The following TPP1 variants were observed in gnomAD, a reference collection of about 807,000 sequenced individuals.
TPP1 encodes the protein tripeptidyl peptidase 1.
A neutral mutation model predicts 67.6 loss-of-function variants in TPP1; 43 were observed. The ratio of observed to expected loss-of-function variants is 0.64; its 90% CI spans 0.50 to 0.82. The LOEUF (loss-of-function observed/expected upper bound fraction) is 0.82. Among genes scored for constraint, TPP1 ranks in the 40% least tolerant of loss-of-function variants. The pLI, the probability that TPP1 is intolerant of heterozygous loss-of-function variation, is 0.00. For missense variants in TPP1, 671 were observed against 710.9 expected (o/e 0.94, Z 0.64); for synonymous variants, 272 against 281.5 (o/e 0.97, Z 0.34).
chr11:6,618,806 C>G lies in TPP1; in HGVS notation c.199G>C (p.Ala67Pro), dbSNP rs762309607. Residue 67 changes from alanine (A) to proline (P), a missense_variant, in exon 3 of 13, where the codon GCT becomes CCT. Physicochemically the swap from Ala to Pro is conservative, Grantham distance 27. Transcript: ENST00000299427. ...NVERLSELVQ[A>P]VSDPSSPQYG... ...TGAGGAGAGCTGGGATCCGACACAGCCTGCACCAGCTCCGAGAGTCTTTCC... is the reference window on the plus strand; with the variant it reads ...TGAGGAGAGCTGGGATCCGACACAGGCTGCACCAGCTCCGAGAGTCTTTCC... 2 of 1,614,010 alleles carry G rather than the reference C, an allele frequency of 1.2e-6. No individual in the cohort carries two copies. Among genetic ancestry groups the G allele is most frequent in the Non-Finnish European group, 1.7e-6 (2 of 1,180,040 alleles).
Position 6,615,258 on chromosome 11 carries a change from G to A in TPP1, c.1338C>T (p.Gly446=). ...GTGCAGCCACATCTGGGTAGGCACG[G>A]CCACTGGCATTGAAGTAACTGGATG... ...LPPSSYFNAS[G]RAYPDVAALS... Residue 446 remains glycine, a synonymous_variant, in exon 11 of 13, where the codon GGC becomes GGT. Coordinates refer to ENST00000299427, the MANE Select transcript of TPP1 (RefSeq NM_000391.4). 1.2e-6 allele frequency: 2 copies of A among 1,614,170 alleles called. No homozygotes were observed. The highest frequency in any genetic ancestry group is 1.7e-6 in the Non-Finnish European group (2 of 1,180,032).
chr11:6,616,814 G>C lies in TPP1; in HGVS notation c.733C>G (p.Arg245Gly), dbSNP rs587780481. ...FHDSDLAQFM[R>G]LFGGNFAHQA... The stretch of plus-strand genomic sequence containing the variant: ...TGTGCAAAGTTGCCACCGAAGAGGC[G>C]CATGAACTGAGCCAGGTCTGAGTCA... Residue 245 changes from arginine (R) to glycine (G), a missense_variant, in exon 7 of 13, where the codon CGC becomes GGC. Arg to Gly is a moderately radical substitution (Grantham distance 125). Coordinates refer to ENST00000299427, the MANE Select transcript of TPP1 (RefSeq NM_000391.4). The C allele has an allele frequency of 6.2e-7, 1 of 1,613,612 alleles. No homozygotes were observed. Among genetic ancestry groups the C allele is most frequent in the Non-Finnish European group, 8.5e-7 (1 of 1,180,026 alleles).
In TPP1 at chr11:6,617,782, G is replaced by T. The variant is rs144359514; in HGVS notation, c.230-6C>A. 5 of 1,614,182 alleles carry T rather than the reference G, an allele frequency of 3.1e-6. No individual in the cohort carries two copies. The highest frequency in any genetic ancestry group is 4.2e-6 in the Non-Finnish European group (5 of 1,180,036). On this transcript the variant is annotated splice_polypyrimidine_tract_variant and splice_region_variant and intron_variant, in intron 3 of 12. Coordinates refer to ENST00000299427, the MANE Select transcript of TPP1 (RefSeq NM_000391.4). ...CTCTAGGGTCAGGTATTTTCCTGCA[G>T]GGATTCAGAAGAGGCACTTGCCCTC...
In TPP1 at chr11:6,615,283, G is replaced by A; in HGVS notation, c.1313C>T (p.Pro438Leu). The change falls in exon 11 of 13, where the codon CCA becomes CTA. Residue 438 changes from proline to leucine, a missense_variant. Transcript: ENST00000299427. ...KFLSSSPHLP[P>L]SSYFNASGRA... ...GCCACTGGCATTGAAGTAACTGGATGGTGGCAGGTGGGGGCTAGAGCTCAG... is the reference window on the plus strand; with the variant it reads ...GCCACTGGCATTGAAGTAACTGGATAGTGGCAGGTGGGGGCTAGAGCTCAG... 1 of 1,614,170 alleles carries A rather than the reference G, an allele frequency of 6.2e-7. No individual in the cohort carries two copies.
At position 6,614,695 on chromosome 11, in the gene TPP1, G is replaced by A. The variant is rs369699167; in HGVS notation, c.1552-9C>T. The A allele has an allele frequency of 2.6e-5, 42 of 1,614,120 alleles. No individual in the cohort carries two copies. In the East Asian group the frequency reaches 5.1e-4, roughly 20 times the overall value. On this transcript the variant is annotated splice_polypyrimidine_tract_variant and intron_variant, in intron 12 of 12. Transcript: ENST00000299427. ...TGGCAGCCACGGGTTACCTAGGGAGGAGGCTGGCATCAGATCTGGGCCTAC... is the reference window on the plus strand; with the variant it reads ...TGGCAGCCACGGGTTACCTAGGGAGAAGGCTGGCATCAGATCTGGGCCTAC...
chr11:6,617,907 T>C (rs1275173594), intron 3 of TPP1, 131 bp from the exon 4 acceptor site: 3 of 1,255,134 alleles, frequency 2.4e-6, no homozygotes, highest in East Asian at 2.4e-5. Context: ...TGTGTGCAGG[T>C]GTAGGGTGTA....
At position 6,615,469 on chromosome 11, in the gene TPP1, G is replaced by A; in HGVS notation, c.1239C>T (p.Ser413=). The change falls in exon 10 of 13, where the codon AGC becomes AGT. Residue 413 remains serine (S), a synonymous_variant. Transcript: ENST00000299427. ...IVDYISGGGF[S]NVFPRPSYQE... ...GGTATGAAGGCCGTGGGAACACATTGCTGAAGCCACCACCACTGATATAGT... is the reference window on the plus strand; with the variant it reads ...GGTATGAAGGCCGTGGGAACACATTACTGAAGCCACCACCACTGATATAGT... The A allele has an allele frequency of 6.2e-7, 1 of 1,614,202 alleles. No individual in the cohort carries two copies. The highest frequency in any genetic ancestry group is 8.5e-7 in the Non-Finnish European group (1 of 1,180,040).
At chr11:6,617,803 C>T (rs764654465) in intron 3 of TPP1, 27 bp from the exon 4 acceptor site, 2 of 1,614,016 alleles carry the variant, frequency 1.2e-6, no homozygotes, top group South Asian at 2.2e-5. Flanking sequence ...GAGGCACTTG[C>T]CCTCATTCAT....
rs1465284719 is a variant in TPP1, at chr11:6,616,974, C to T, written c.687+1G>A. The T allele has an allele frequency of 1.2e-6, 2 of 1,614,146 alleles. No homozygotes were observed. Among genetic ancestry groups the T allele is most frequent in the Non-Finnish European group, 1.7e-6 (2 of 1,180,000 alleles). On this transcript the variant is annotated splice_donor_variant, in intron 6 of 12. Coordinates refer to ENST00000299427, the MANE Select transcript of TPP1 (RefSeq NM_000391.4). LOFTEE classifies it high-confidence loss of function. The stretch of plus-strand genomic sequence containing the variant: ...ACCCTGGGGCTCTTTGCTTGGCTCA[C>T]CTGGGCACAGGCTTGGCTGTTATTG...
chr11:6,615,359 A>C (rs1314651980), intron 10 of TPP1, 30 bp from the exon 11 acceptor site: 1 of 1,614,116 alleles, frequency 6.2e-7, no homozygotes, highest in Middle Eastern at 1.6e-4. Context: ...GAGTATTGGC[A>C]TGTGGCCTGC....
At chr11:6,617,265 G>C (rs779368037) in intron 5 of TPP1, 36 bp downstream of exon 5, 39 of 1,613,866 alleles carry the variant, frequency 2.4e-5, no homozygotes, top group Middle Eastern at 3.3e-4. Context: ...CCCTGGATCT[G>C]TGTGCCCCAA....
chr11:6,616,287 A>T, intron 8 of TPP1, 28 bp downstream of exon 8: 1 of 1,612,854 alleles, frequency 6.2e-7, no homozygotes, highest in Non-Finnish European at 8.5e-7. Flanking sequence ...AGGTGTAAGC[A>T]TTGTCTAAGT....
At chr11:6,616,151 T>C in intron 8 of TPP1, 77 bp from the exon 9 acceptor site, 1 of 1,598,980 alleles carries the variant, frequency 6.3e-7, no homozygotes, top group Non-Finnish European at 8.6e-7. Flanking sequence ...GAGGGGAAAT[T>C]TGTTACTGTA....
rs1271918697 is a variant in TPP1, at chr11:6,613,714, G to A, written c.*832C>T. ...CTTGTTGATTGAGGACTTGTTGATT[G>A]AAGGTGGGGTGAAAAGATGACACAG... On this transcript the variant is annotated 3_prime_UTR_variant, in exon 13 of 13. Coordinates refer to ENST00000299427, the MANE Select transcript of TPP1 (RefSeq NM_000391.4). The A allele has an allele frequency of 1.3e-5, 2 of 152,342 alleles. No homozygotes were observed. The highest frequency in any genetic ancestry group is 4.8e-5 in the African/African-American group (2 of 41,376). 9.4% of individuals were successfully genotyped at this position (152,342 alleles called of 1,614,324 possible). A position where few individuals can be genotyped will look rare whatever the true frequency, so the allele number is the denominator to read the frequency against.
At position 6,616,023 on chromosome 11, in the gene TPP1, G is replaced by A; in HGVS notation, c.1127C>T (p.Pro376Leu). The A allele has an allele frequency of 6.2e-7, 1 of 1,614,196 alleles. No individual in the cohort carries two copies. Among genetic ancestry groups the A allele is most frequent in the South Asian group, 1.1e-5 (1 of 91,080 alleles). ...TACTTACCTGGAGGCAGGGAAGGTAGGGCGGAACTGGTGTCTTCCAGAGAC... is the reference window on the plus strand; with the variant it reads ...TACTTACCTGGAGGCAGGGAAGGTAAGGCGGAACTGGTGTCTTCCAGAGAC... ...WSVSGRHQFR[P>L]TFPASSPYVT... Residue 376 changes from proline to leucine, a missense_variant, in exon 9 of 13, where the codon CCT (proline) becomes CTT (leucine). Coordinates refer to ENST00000299427, the MANE Select transcript of TPP1 (RefSeq NM_000391.4).
At chr11:6,616,886 G>T in intron 6 of TPP1, 27 bp from the exon 7 acceptor site, 1 of 1,614,044 alleles carries the variant, frequency 6.2e-7, no homozygotes. Context: ...AGCAGAGATC[G>T]TGGGTCCGAG....
chr11:6,614,330 T>A lies in TPP1; in HGVS notation c.*216A>T, dbSNP rs1179760521. ...AAAAATGCTAGTTACAGCATCTTATTGAGGAATCTAAGGCAGGAGTAGGGA... is the reference window on the plus strand; with the variant it reads ...AAAAATGCTAGTTACAGCATCTTATAGAGGAATCTAAGGCAGGAGTAGGGA... On this transcript the variant is annotated 3_prime_UTR_variant, in exon 13 of 13. Coordinates refer to ENST00000299427, the MANE Select transcript of TPP1 (RefSeq NM_000391.4). 1 of 613,130 alleles carries A rather than the reference T, an allele frequency of 1.6e-6. No individual in the cohort carries two copies. The highest frequency in any genetic ancestry group is 2.9e-6 in the Non-Finnish European group (1 of 349,234). The allele number at this position is 613,130 out of a possible 1,614,324, so 38.0% of individuals were successfully genotyped here. A position where few individuals can be genotyped will look rare whatever the true frequency, so the allele number is the denominator to read the frequency against.
In TPP1 at chr11:6,614,982, G is replaced by A; in HGVS notation, c.1435C>T (p.Pro479Ser). The A allele has an allele frequency of 6.2e-7, 1 of 1,614,112 alleles. No individual in the cohort carries two copies. The highest frequency in any genetic ancestry group is 8.5e-7 in the Non-Finnish European group (1 of 1,180,022). The change falls in exon 12 of 13, where the codon CCA becomes TCA. Residue 479 changes from proline (P) to serine (S), a missense_variant. Pro to Ser is a moderately conservative substitution (Grantham distance 74, BLOSUM62 -1). Coordinates refer to ENST00000299427, the MANE Select transcript of TPP1 (RefSeq NM_000391.4). ...PWVSGTSAST[P>S]VFGGILSLIN... ...AAGGATAGGATCCCCCCAAACACTG[G>A]AGTAGAGGCCTACAAGAGTGAAGGT...
In TPP1 at chr11:6,617,336, T is replaced by G. The variant is rs757507462; in HGVS notation, c.473A>C (p.Gln158Pro). ...THVVRSPHPYQLPQALAPHVD... is the reference protein window; with the variant it reads ...THVVRSPHPYPLPQALAPHVD... ...ATGGGGGGCCAAGGCCTGTGGAAGC[T>G]GGTAGGGATGTGGGGACCTTACAAC... The change falls in exon 5 of 13, where the codon CAG becomes CCG. Residue 158 changes from glutamine (Q) to proline (P), a missense_variant. Physicochemically the swap from Gln to Pro is moderately conservative, Grantham distance 76. Coordinates refer to ENST00000299427, the MANE Select transcript of TPP1 (RefSeq NM_000391.4). 1.1e-5 allele frequency: 18 copies of G among 1,613,976 alleles called. No individual in the cohort carries two copies. The highest frequency in any genetic ancestry group is 2.7e-5 in the African/African-American group (2 of 74,868).
Sources: allele counts gnomAD v4.1 joint callset, GRCh38; gene constraint gnomAD v4.1.1; transcripts MANE v1.5; gene names NCBI Gene and HGNC (gene_info 2026-07-23, HGNC 2026-07-21).